Variants in BCKDHB observed in about 807,000 individuals in gnomAD.
The protein encoded by BCKDHB is 2-oxoisovalerate dehydrogenase subunit beta, mitochondrial.
A neutral mutation model predicts 48.5 loss-of-function variants in BCKDHB; 41 were observed. The ratio of observed to expected loss-of-function variants is 0.85; its 90% confidence interval spans 0.66 to 1.10. The LOEUF (loss-of-function observed/expected upper bound fraction) is 1.10. BCKDHB is among the 50% of genes least tolerant of loss of function. The probability of loss-of-function intolerance (pLI) is 0.00; values close to 1 mark genes in which losing one functional copy is unlikely to be tolerated. For synonymous variants in BCKDHB, 201 were observed against 174.8 expected, an observed-to-expected ratio of 1.15 and a Z score of -1.18; for missense variants, 496 against 494.2, an observed-to-expected ratio of 1.00 and a Z score of -0.03.
chr6:80,125,677 A>T (rs886252425), intron 1 of BCKDHB, among the ~76,000 whole-genome samples: 1 of 152,128 alleles, frequency 6.6e-6, no homozygotes, highest in African/African-American at 2.4e-5. Flanking sequence ...AAAGGGAGAG[A>T]TAAAGGAGAA....
the BCKDHB span, among the ~76,000 whole-genome samples, chr6:80,411,181 G>A: frequency 1.3e-5 from 2 of 152,146 alleles, no homozygotes; most frequent in African/African-American, 2.4e-5. Context: ...CTGTTTGTTA[G>A]TTTTCCTTCT....
intron 8 of BCKDHB, among the ~76,000 whole-genome samples, chr6:80,269,016 A>G (rs1055825373): frequency 2.6e-5 from 4 of 152,120 alleles, no homozygotes; most frequent in African/African-American, 9.7e-5. Context: ...GCATAAATAA[A>G]TTTAAAGAGA....
chr6:80,147,915 G>A (rs1771567988), intron 3 of BCKDHB, among the ~76,000 whole-genome samples: 3 of 152,062 alleles, frequency 2.0e-5, no homozygotes, highest in Admixed American at 6.6e-5. Context: ...TTGAAGTTGA[G>A]GTGAATGGAG....
downstream of BCKDHB, among the ~76,000 whole-genome samples, chr6:80,346,976 T>C (rs1465204950): frequency 6.6e-6 from 1 of 151,056 alleles, no homozygotes; most frequent in African/African-American, 2.4e-5. Flanking sequence ...TTTTCCTTTC[T>C]CTAGAAACAC....
At chr6:80,231,618 C>A (rs1028405470) in intron 8 of BCKDHB, among the ~76,000 whole-genome samples, 2 of 152,124 alleles carry the variant, frequency 1.3e-5, no homozygotes, top group African/African-American at 4.8e-5. Context: ...AGTAATAGTA[C>A]CCACCTCTTA....
chr6:80,273,046 TA>T, intron 8 of BCKDHB, 88 bp from the exon 9 acceptor site: 1 of 960,278 alleles, frequency 1.0e-6, no homozygotes, highest in Non-Finnish European at 1.6e-6. Flanking sequence ...TGAATGTATA[TA>T]ATTTACTTTT....
At chr6:80,182,009 G>A (rs554260364) in intron 6 of BCKDHB, among the ~76,000 whole-genome samples, 18 of 151,990 alleles carry the variant, frequency 1.2e-4, no homozygotes, top group Non-Finnish European at 2.1e-4. Flanking sequence ...ACTTTTAAAC[G>A]TATATTATTA....
At chr6:80,371,674 T>C in the BCKDHB span, among the ~76,000 whole-genome samples, 2 of 152,064 alleles carry the variant, frequency 1.3e-5, no homozygotes, top group Non-Finnish European at 1.5e-5. Flanking sequence ...ATGAGAGATA[T>C]GGATCCAGTT....
At chr6:80,211,199 A>G (rs1175430284) in intron 8 of BCKDHB, among the ~76,000 whole-genome samples, 1 of 152,242 alleles carries the variant, frequency 6.6e-6, no homozygotes, top group African/African-American at 2.4e-5. Flanking sequence ...TCTATAGAGA[A>G]GAAAAAACTG....
intron 6 of BCKDHB, among the ~76,000 whole-genome samples, chr6:80,190,351 G>A (rs1281893711): frequency 6.6e-6 from 1 of 152,096 alleles, no homozygotes; most frequent in East Asian, 1.9e-4. Flanking sequence ...AAGACTTAGG[G>A]AAAGGATCAA....
At chr6:80,282,356 T>G (rs620176) in intron 9 of BCKDHB, among the ~76,000 whole-genome samples, 121,412 of 152,058 alleles carry the variant, frequency 0.8, 48,639 homozygotes, top group Admixed American at 0.87. Context: ...CAGGATATCA[T>G]ATTGAGAATG....
chr6:80,162,200 C>A (rs956951143), intron 3 of BCKDHB, among the ~76,000 whole-genome samples: 36 of 151,966 alleles, frequency 2.4e-4, no homozygotes, highest in African/African-American at 8.5e-4. Context: ...ATACTTTTTT[C>A]CCCCTCCTCA....
the BCKDHB span, among the ~76,000 whole-genome samples, chr6:80,440,206 C>T: frequency 6.6e-6 from 1 of 152,142 alleles, no homozygotes; most frequent in Non-Finnish European, 1.5e-5. Context: ...CAGCCTGTGG[C>T]CTGCTTCATT....
intron 1 of BCKDHB, among the ~76,000 whole-genome samples, chr6:80,126,517 TG>T (rs1355789455): frequency 6.6e-6 from 1 of 152,068 alleles, no homozygotes; most frequent in East Asian, 1.9e-4. Context: ...GGAGGTTAGG[TG>T]GGCAGTGATC....
chr6:80,336,451 A>C (rs1769592866), intron 9 of BCKDHB, among the ~76,000 whole-genome samples: 1 of 146,446 alleles, frequency 6.8e-6, no homozygotes, highest in South Asian at 2.1e-4. Flanking sequence ...TTTAGGATTC[A>C]GTTCCATTCT....
chr6:80,250,533 T>C (rs1776795087), intron 8 of BCKDHB, among the ~76,000 whole-genome samples: 1 of 152,160 alleles, frequency 6.6e-6, no homozygotes, highest in African/African-American at 2.4e-5. Context: ...TTTTTCATCT[T>C]GAAGACAGGA....
rs946938779 is a variant in BCKDHB at position 80,345,647 on chromosome 6, G to A, written c.*1843G>A. On this transcript the variant is annotated 3_prime_UTR_variant, in exon 10 of 10. Transcript: ENST00000320393. ...TGATGTCTTCTTAATGTCTGTGAAAGCAACTGGCATCTACAATAAATCACA... is the reference window on the plus strand; with the variant it reads ...TGATGTCTTCTTAATGTCTGTGAAAACAACTGGCATCTACAATAAATCACA... The A allele has an allele frequency of 7.2e-5, 11 of 152,176 alleles. No homozygotes were observed. The highest frequency in any genetic ancestry group is 2.7e-4 in the African/African-American group (11 of 41,440). The allele number at this position is 152,176 out of a possible 1,614,324, so 9.4% of individuals were successfully genotyped here.
intron 9 of BCKDHB, among the ~76,000 whole-genome samples, chr6:80,338,509 C>T (rs1403509336): frequency 6.6e-6 from 1 of 152,188 alleles, no homozygotes; most frequent in Non-Finnish European, 1.5e-5. Context: ...GTGCTCTCCA[C>T]CCCTCTTCCT....
the BCKDHB span, among the ~76,000 whole-genome samples, chr6:80,392,918 T>C: frequency 6.7e-6 from 1 of 150,256 alleles, no homozygotes; most frequent in African/African-American, 2.4e-5. Context: ...AACATACTTA[T>C]GCCGGCTTAA....
Sources: gnomAD v4.1 joint callset for allele counts (sites outside exome capture counted in the v4.1 genomes callset) on GRCh38, gnomAD v4.1.1 for gene constraint, MANE v1.5 for transcripts, NCBI Gene and HGNC (gene_info 2026-07-23, HGNC 2026-07-21) for gene names.